The following MACROD2 variants were observed in gnomAD, a reference collection of about 807,000 sequenced individuals.
The protein encoded by MACROD2 is ADP-ribose glycohydrolase MACROD2.
A neutral mutation model predicts 70.4 loss-of-function variants in MACROD2; 36 were observed. That is an observed-to-expected ratio of 0.51 (90% CI 0.39 to 0.68). The LOEUF (loss-of-function observed/expected upper bound fraction) is 0.68, where lower values mean the gene tolerates loss of function less well. MACROD2 is among the 30% of genes least tolerant of loss of function. The pLI is 0.00. For missense variants in MACROD2, 496 were observed against 538.4 expected (o/e 0.92, Z 0.78); for synonymous variants, 172 against 178.8 (o/e 0.96, Z 0.30).
chr20:15,828,674 A>G (rs1232919037), intron 8 of MACROD2, among the ~76,000 whole-genome samples: 1 of 152,354 alleles, frequency 6.6e-6, no homozygotes, highest in East Asian at 1.9e-4. Context: ...CACTGGGTAC[A>G]TTCCAAAGGG....
intron 8 of MACROD2, among the ~76,000 whole-genome samples, chr20:15,607,865 T>C (rs1185688050): frequency 2.6e-5 from 4 of 152,196 alleles, no homozygotes; most frequent in African/African-American, 4.8e-5. Context: ...GCCAAACTCA[T>C]TGTAATTCTG....
At chr20:14,950,973 G>A (rs2122731473) in intron 5 of MACROD2, among the ~76,000 whole-genome samples, 1 of 152,192 alleles carries the variant, frequency 6.6e-6, no homozygotes, top group East Asian at 1.9e-4. Context: ...ATTAGAAGGG[G>A]GAGATACTTC....
chr20:14,331,406 G>A (rs191285139), intron 3 of MACROD2, among the ~76,000 whole-genome samples: 1 of 152,156 alleles, frequency 6.6e-6, no homozygotes, highest in Admixed American at 6.6e-5. Context: ...TGTTTGATAT[G>A]CAAACTCACA....
At chr20:14,912,388 T>C (rs1449521341) in intron 5 of MACROD2, among the ~76,000 whole-genome samples, 1 of 152,190 alleles carries the variant, frequency 6.6e-6, no homozygotes, top group African/African-American at 2.4e-5. Context: ...ACCATACAAA[T>C]GATTCTGACA....
At chr20:15,246,576 G>C (rs7267159) in intron 6 of MACROD2, among the ~76,000 whole-genome samples, 25,634 of 152,032 alleles carry the variant, frequency 0.17, 2,523 homozygotes, top group African/African-American at 0.28. Flanking sequence ...AAATAACAAG[G>C]GTTAATGAGG....
chr20:16,015,558 A>G (rs923324239), intron 15 of MACROD2, among the ~76,000 whole-genome samples: 1 of 152,208 alleles, frequency 6.6e-6, no homozygotes, highest in Non-Finnish European at 1.5e-5. Context: ...TTGTTCTACC[A>G]AAAAAAGAAA....
intron 5 of MACROD2, among the ~76,000 whole-genome samples, chr20:14,865,582 A>G (rs2073419908): frequency 6.6e-6 from 1 of 152,102 alleles, no homozygotes. Flanking sequence ...ATGGCTTTTC[A>G]GAATTTATTG....
chr20:14,233,968 C>G (rs6074707), intron 3 of MACROD2, among the ~76,000 whole-genome samples: 147,513 of 152,222 alleles, frequency 0.97, 71,492 homozygotes, highest in Admixed American at 0.99. Flanking sequence ...GTATGATACT[C>G]TAAAGGTAAA....
At chr20:14,859,228 A>AAATT (rs1356133288) in intron 5 of MACROD2, among the ~76,000 whole-genome samples, 10 of 152,118 alleles carry the variant, frequency 6.6e-5, no homozygotes, top group Non-Finnish European at 1.3e-4. Flanking sequence ...AAAACTATTG[A>AAATT]AATTAAATAA....
chr20:15,927,981 G>A (rs1161679021), intron 10 of MACROD2, among the ~76,000 whole-genome samples: 2 of 152,188 alleles, frequency 1.3e-5, no homozygotes, highest in African/African-American at 4.8e-5. Context: ...GTGAACTAAA[G>A]AGACACAACA....
chr20:14,511,289 T>A (rs391092), intron 4 of MACROD2, among the ~76,000 whole-genome samples: 1 of 152,014 alleles, frequency 6.6e-6, no homozygotes, highest in East Asian at 1.9e-4. Context: ...TAGTTTGTAA[T>A]GTAAAAGGGT....
intron 3 of MACROD2, among the ~76,000 whole-genome samples, chr20:14,226,208 A>T (rs1270594295): frequency 6.6e-6 from 1 of 152,222 alleles, no homozygotes; most frequent in Non-Finnish European, 1.5e-5. Context: ...AGAGGACCTC[A>T]GTGTTTCCAT....
At chr20:14,755,301 C>T (rs1381749381) in intron 5 of MACROD2, among the ~76,000 whole-genome samples, 2 of 152,056 alleles carry the variant, frequency 1.3e-5, no homozygotes, top group Non-Finnish European at 1.5e-5. Flanking sequence ...GATGAGTTCA[C>T]CTCAGCCATG....
chr20:15,300,037 C>T (rs964951817), intron 6 of MACROD2, among the ~76,000 whole-genome samples: 2 of 152,160 alleles, frequency 1.3e-5, no homozygotes, highest in Non-Finnish European at 2.9e-5. Flanking sequence ...ATTCACTTGA[C>T]GTAGTCCATG....
At chr20:15,266,028 A>G (rs995106080) in intron 6 of MACROD2, among the ~76,000 whole-genome samples, 7 of 152,380 alleles carry the variant, frequency 4.6e-5, no homozygotes, top group Non-Finnish European at 8.8e-5. Context: ...CTGACAGGCA[A>G]TATGATCGGG....
intron 15 of MACROD2, among the ~76,000 whole-genome samples, chr20:15,995,942 G>C (rs1462548983): frequency 6.6e-6 from 1 of 151,692 alleles, no homozygotes; most frequent in African/African-American, 2.4e-5. Flanking sequence ...TCTGTGTCCT[G>C]GATATTATGA....
intron 5 of MACROD2, among the ~76,000 whole-genome samples, chr20:14,725,679 G>A (rs2071520725): frequency 6.6e-6 from 1 of 152,094 alleles, no homozygotes; most frequent in East Asian, 1.9e-4. Flanking sequence ...CAGGTTACCA[G>A]CAAAAAACTG....
intron 5 of MACROD2, among the ~76,000 whole-genome samples, chr20:14,746,201 T>G (rs2071797556): frequency 6.6e-6 from 1 of 152,174 alleles, no homozygotes; most frequent in Non-Finnish European, 1.5e-5. Flanking sequence ...CCCAGCTGCT[T>G]TCAACTTTTC....
intron 8 of MACROD2, among the ~76,000 whole-genome samples, chr20:15,838,785 T>C (rs1422396251): frequency 6.6e-6 from 1 of 152,198 alleles, no homozygotes; most frequent in Non-Finnish European, 1.5e-5. Flanking sequence ...CTGAACCTTT[T>C]AAATAAATAC....
Sources: allele counts gnomAD v4.1 joint callset (sites outside exome capture counted in the v4.1 genomes callset), GRCh38; gene constraint gnomAD v4.1.1; transcripts MANE v1.5; gene names NCBI Gene and HGNC (gene_info 2026-07-23, HGNC 2026-07-21).